HYDIN: variants seen among roughly 807,000 people sequenced by gnomAD.
The protein encoded by HYDIN is HYDIN axonemal central pair apparatus protein.
Under a neutral mutation model 403.9 loss-of-function variants are expected in HYDIN, and 132 were observed. That is an observed-to-expected ratio of 0.33 (90% CI 0.28 to 0.38). HYDIN has a LOEUF of 0.38. HYDIN is among the 10% of genes least tolerant of loss of function. The pLI is 1.00. For synonymous variants in HYDIN, 1,202 were observed against 1,891.7 expected (o/e 0.64, Z 9.46); for missense variants, 2,827 against 5,009.5 (o/e 0.56, Z 13.15).
At chr16:71,190,367 T>C (rs757596086) in intron 1 of HYDIN, among the ~76,000 whole-genome samples, 1 of 148,642 alleles carries the variant, frequency 6.7e-6, no homozygotes, top group Non-Finnish European at 1.5e-5. Context: ...AAGTCGGCAA[T>C]AGATCCGTTC....
intron 10 of HYDIN, among the ~76,000 whole-genome samples, chr16:71,108,170 G>A (rs1288360122): frequency 2.0e-5 from 3 of 152,184 alleles, no homozygotes; most frequent in Admixed American, 6.5e-5. Flanking sequence ...GCCTAGTGGA[G>A]GGCGGAGGGT....
rs757069690 is a variant in HYDIN at position 71,186,908 on chromosome 16, T to G, written c.-13A>C. On this transcript the variant is annotated 5_prime_UTR_variant, in exon 2 of 86. Coordinates refer to ENST00000393567, the MANE Select transcript of HYDIN (RefSeq NM_001270974.2). ...TTCTACTTGTCATTTTTAGTAATTTTTTTTTCTCACCTAAGAGTGAAACAA... is the reference window on the plus strand; with the variant it reads ...TTCTACTTGTCATTTTTAGTAATTTGTTTTTCTCACCTAAGAGTGAAACAA... The G allele has an allele frequency of 1.9e-6, 3 of 1,606,400 alleles. No homozygotes were observed. Among genetic ancestry groups the G allele is most frequent in the South Asian group, 2.2e-5 (2 of 89,200 alleles).
rs77192535 is a variant in HYDIN at position 70,901,584 on chromosome 16, CTTT to C, written c.8850-385_8850-383del. Among the ~76,000 whole-genome samples, 180 of 123,294 alleles carry C rather than the reference CTTT, an allele frequency of 1.5e-3. 1 individual carries two copies. The highest frequency in any genetic ancestry group is 4.6e-3 in the Middle Eastern group (1 of 216). The allele number at this position is 123,294 out of a possible 152,430, so 80.9% of individuals were successfully genotyped here. On this transcript the variant is annotated intron_variant, in intron 52 of 85. Coordinates refer to ENST00000393567, the MANE Select transcript of HYDIN (RefSeq NM_001270974.2). The stretch of plus-strand genomic sequence containing the variant: ...ATAATACTTAGCATATATTTTCTTT[CTTT>C]TTTTTTTTTTTTTTTGGAGACGGAG...
chr16:71,106,544 T>C (rs1377490592), intron 10 of HYDIN, among the ~76,000 whole-genome samples: 1 of 152,164 alleles, frequency 6.6e-6, no homozygotes, highest in Non-Finnish European at 1.5e-5. Flanking sequence ...TTTCTACTCA[T>C]GGTGCCTAGA....
rs566452871 is a variant in HYDIN at position 70,956,808 on chromosome 16, T to C, written c.6143-1260A>G. On this transcript the variant is annotated intron_variant, in intron 39 of 85. Transcript: ENST00000393567. The stretch of plus-strand genomic sequence containing the variant: ...CTCCAGACCTATGGGAGTATAAATT[T>C]GCATTATGTGAAGCCATGAAGTCTG... Among the ~76,000 whole-genome samples the C allele has an allele frequency of 5.6e-3, 849 of 152,066 alleles. 6 individuals carry two copies. Among genetic ancestry groups the C allele is most frequent in the African/African-American group, 0.019 (806 of 41,428 alleles).
chr16:71,056,129 T>G (rs1049580415), intron 18 of HYDIN, among the ~76,000 whole-genome samples: 6 of 146,074 alleles, frequency 4.1e-5, no homozygotes, highest in Admixed American at 3.4e-4. Context: ...TGAGATTTGT[T>G]TTTTTTTTTT....
intron 84 of HYDIN, among the ~76,000 whole-genome samples, chr16:70,818,121 C>A (rs925082714): frequency 6.6e-6 from 1 of 152,138 alleles, no homozygotes; most frequent in African/African-American, 2.4e-5. Flanking sequence ...ATCACAGAGA[C>A]AAGGTTCATA....
At chr16:71,229,204 T>G (rs2041173097) in intron 1 of HYDIN, among the ~76,000 whole-genome samples, 1 of 151,804 alleles carries the variant, frequency 6.6e-6, no homozygotes, top group African/African-American at 2.4e-5. Context: ...ATACCTAATG[T>G]AAATGACTAG....
intron 5 of HYDIN, among the ~76,000 whole-genome samples, chr16:71,163,823 T>C (rs1819529680): frequency 1.3e-5 from 2 of 152,252 alleles, no homozygotes; most frequent in Non-Finnish European, 2.9e-5. Context: ...CAATAATAAG[T>C]GCTTATTATT....
At chr16:71,033,172 T>C (rs2080973556) in intron 18 of HYDIN, among the ~76,000 whole-genome samples, 1 of 151,992 alleles carries the variant, frequency 6.6e-6, no homozygotes, top group Non-Finnish European at 1.5e-5. Context: ...GACCAATATT[T>C]CAACAACAAA....
intron 41 of HYDIN, among the ~76,000 whole-genome samples, chr16:70,944,171 C>A (rs1381464860): frequency 6.6e-6 from 1 of 152,246 alleles, no homozygotes; most frequent in Non-Finnish European, 1.5e-5. Flanking sequence ...GTGTACTGAA[C>A]TGCACGCAGC....
At chr16:71,022,290 C>A (rs1472766343) in intron 21 of HYDIN, among the ~76,000 whole-genome samples, 8 of 152,220 alleles carry the variant, frequency 5.3e-5, no homozygotes, top group African/African-American at 1.9e-4. Flanking sequence ...TTAAAATGAC[C>A]CCTTCTCTTT....
chr16:71,154,930 T>C (rs2085699919), intron 6 of HYDIN, among the ~76,000 whole-genome samples: 1 of 138,276 alleles, frequency 7.2e-6, no homozygotes. Context: ...TTGATATAGG[T>C]CAAGTGCTTA....
chr16:71,180,560 A>T (rs2086857022), intron 3 of HYDIN, among the ~76,000 whole-genome samples: 1 of 152,094 alleles, frequency 6.6e-6, no homozygotes, highest in Admixed American at 6.6e-5. Context: ...AAAGACACTA[A>T]GGGAAAAGAA....
At chr16:71,180,982 T>C (rs2086878109) in intron 3 of HYDIN, among the ~76,000 whole-genome samples, 1 of 151,998 alleles carries the variant, frequency 6.6e-6, no homozygotes, top group African/African-American at 2.4e-5. Flanking sequence ...TATCCTAAAA[T>C]GTAAAACACA....
rs533279314 is a variant in HYDIN, at chr16:71,078,527, C to T, written c.1738+1358G>A. Among the ~76,000 whole-genome samples the T allele has an allele frequency of 1.1e-3, 170 of 152,234 alleles. 1 individual carries two copies. Among genetic ancestry groups the T allele is most frequent in the Admixed American group, 3.0e-3 (46 of 15,280 alleles). ...TTGTTGTTTATTTGTTTTTTAGAGACAGGGTCTTGCTCTTTTGCCTAGGCT... is the reference window on the plus strand; with the variant it reads ...TTGTTGTTTATTTGTTTTTTAGAGATAGGGTCTTGCTCTTTTGCCTAGGCT... On this transcript the variant is annotated intron_variant, in intron 13 of 85. Coordinates refer to ENST00000393567, the MANE Select transcript of HYDIN (RefSeq NM_001270974.2).
chr16:71,229,774 G>C (rs2041198194), intron 1 of HYDIN, among the ~76,000 whole-genome samples: 1 of 152,230 alleles, frequency 6.6e-6, no homozygotes, highest in African/African-American at 2.4e-5. Flanking sequence ...AGGTACAAGA[G>C]ATACTTTCTG....
Position 70,809,993 on chromosome 16 carries a change from A to G in HYDIN, c.14673T>C (p.Phe4891=). The change falls in exon 85 of 86, where the codon TTT becomes TTC. Residue 4891 remains phenylalanine (F), a synonymous_variant. Transcript: ENST00000393567. The part of the protein sequence containing the change: ...VPANSEGTFS[F]EFQPLKAGET... Reference sequence around the variant, plus strand: ...CTCCAGCTTTCAGGGGCTGAAATTCAAATGAGAACGTGCCCTGGAAGAGAA... The same window carrying G: ...CTCCAGCTTTCAGGGGCTGAAATTCGAATGAGAACGTGCCCTGGAAGAGAA... The G allele has an allele frequency of 6.2e-7, 1 of 1,614,170 alleles. No individual in the cohort carries two copies. The highest frequency in any genetic ancestry group is 8.5e-7 in the Non-Finnish European group (1 of 1,180,008).
At chr16:71,028,577 T>C (rs1033499557) in intron 19 of HYDIN, among the ~76,000 whole-genome samples, 58 of 152,122 alleles carry the variant, frequency 3.8e-4, no homozygotes, top group South Asian at 1.0e-3. Context: ...TTTTTTTTTT[T>C]CCCCACAGGC....
Sources: gnomAD v4.1 joint callset for allele counts (sites outside exome capture counted in the v4.1 genomes callset) on GRCh38, gnomAD v4.1.1 for gene constraint, MANE v1.5 for transcripts, NCBI Gene and HGNC (gene_info 2026-07-23, HGNC 2026-07-21) for gene names.